HLF: variants seen among roughly 807,000 people sequenced by gnomAD.
The protein encoded by HLF is hepatic leukemia factor.
In HLF, 3 loss-of-function variants were observed where a neutral mutation model predicts 22.6. That is an observed-to-expected ratio of 0.13 (90% CI 0.06 to 0.34). HLF has a LOEUF of 0.34. Ranked by LOEUF, HLF falls within the 10% of genes least tolerant of loss-of-function variation. The pLI is 1.00. For synonymous variants in HLF, 151 were observed against 151.8 expected (o/e 0.99, Z 0.04); for missense variants, 299 against 389.2 (o/e 0.77, Z 1.95).
rs999457479 is a variant in HLF at position 55,271,108 on chromosome 17, C to A, written c.451+3022C>A. 1.1e-4 allele frequency among the ~76,000 whole-genome samples: 16 copies of A among 152,290 alleles called. No individual in the cohort carries two copies. In the East Asian group the frequency reaches 3.1e-3, roughly 29 times the overall value. On this transcript the variant is annotated intron_variant, in intron 2 of 3. Coordinates refer to ENST00000226067, the MANE Select transcript of HLF (RefSeq NM_002126.5). ...TAATACAGTCACTCCCGGTGGAGAA[C>A]CACTGGTCTAGAACTTCAATTTGGA...
At position 55,268,102 on chromosome 17, in the gene HLF, A is replaced by T. The variant is rs1280215508; in HGVS notation, c.451+16A>T. The T allele has an allele frequency of 4.0e-6, 6 of 1,498,106 alleles. No homozygotes were observed. Among genetic ancestry groups the T allele is most frequent in the Middle Eastern group, 1.8e-4 (1 of 5,578 alleles). The allele number at this position is 1,498,106 out of a possible 1,614,324, so 92.8% of individuals were successfully genotyped here. On this transcript the variant is annotated intron_variant, in intron 2 of 3. Coordinates refer to ENST00000226067, the MANE Select transcript of HLF (RefSeq NM_002126.5). Reference sequence around the variant, plus strand: ...ATCAGACCAGGTAAGTGCCCTGAAGATTCTCCCTTCAGAAAGGGAGGAGGA... The same window carrying T: ...ATCAGACCAGGTAAGTGCCCTGAAGTTTCTCCCTTCAGAAAGGGAGGAGGA...
chr17:55,265,230 G>A lies in HLF; in HGVS notation c.-255G>A. ...GGCAGGTGAGAGCATCCTGCACGTC[G>A]CCGGGGAGCCCGCGGGCACTTGGCG... On this transcript the variant is annotated 5_prime_UTR_variant, in exon 1 of 4. Transcript: ENST00000226067. 2.7e-6 allele frequency: 1 copy of A among 368,610 alleles called. No homozygotes were observed. Among genetic ancestry groups the A allele is most frequent in the Non-Finnish European group, 4.8e-6 (1 of 209,068 alleles). 22.8% of individuals were successfully genotyped at this position (368,610 alleles called of 1,614,324 possible). A position where few individuals can be genotyped will look rare whatever the true frequency, so the allele number is the denominator to read the frequency against.
At chr17:55,268,425 A>G (rs754289767) in intron 2 of HLF, among the ~76,000 whole-genome samples, 1 of 152,230 alleles carries the variant, frequency 6.6e-6, no homozygotes, top group Non-Finnish European at 1.5e-5. Flanking sequence ...AATAACTTAC[A>G]GTTAATGATT....
intron 2 of HLF, among the ~76,000 whole-genome samples, chr17:55,276,308 CAA>C (rs919745657): frequency 1.3e-5 from 2 of 152,108 alleles, no homozygotes; most frequent in African/African-American, 4.8e-5. Flanking sequence ...GACTTTTAGG[CAA>C]AGTGATGAGT....
At chr17:55,293,927 C>T (rs1365335061) in intron 2 of HLF, among the ~76,000 whole-genome samples, 2 of 152,090 alleles carry the variant, frequency 1.3e-5, no homozygotes, top group Admixed American at 6.6e-5. Flanking sequence ...TCTGGGGAGG[C>T]CCTAAGGTCT....
chr17:55,310,324 T>C (rs1374827850), intron 2 of HLF, among the ~76,000 whole-genome samples: 1 of 152,170 alleles, frequency 6.6e-6, no homozygotes, highest in African/African-American at 2.4e-5. Flanking sequence ...GCTTTGGAAA[T>C]ACCAAGCTCA....
chr17:55,283,974 C>G lies in HLF; in HGVS notation c.451+15888C>G, dbSNP rs529345606. 1.1e-4 allele frequency: 17 copies of G among 152,360 alleles called. No homozygotes were observed. The East Asian group carries it at 3.1e-3, about 28-fold the overall frequency. The allele number at this position is 152,360 out of a possible 1,614,324, so 9.4% of individuals were successfully genotyped here. On this transcript the variant is annotated intron_variant, in intron 2 of 3. Transcript: ENST00000226067. ...TGAAGGTGATTCTCAGTTATCCATG[C>G]TAAAGGAACAGATAATCTGAAGTTT...
chr17:55,275,451 G>T (rs986923430), intron 2 of HLF, among the ~76,000 whole-genome samples: 8 of 152,132 alleles, frequency 5.3e-5, no homozygotes, highest in African/African-American at 1.7e-4. Flanking sequence ...AGATCAGTCA[G>T]TTACTGCTAC....
intron 2 of HLF, among the ~76,000 whole-genome samples, chr17:55,295,996 T>G (rs1458586911): frequency 6.6e-6 from 1 of 152,224 alleles, no homozygotes; most frequent in Non-Finnish European, 1.5e-5. Flanking sequence ...ATGCCCTTGA[T>G]AGAAGCAGTA....
At chr17:55,296,957 G>A (rs1181070441) in intron 2 of HLF, among the ~76,000 whole-genome samples, 4 of 152,136 alleles carry the variant, frequency 2.6e-5, no homozygotes, top group African/African-American at 7.2e-5. Context: ...TGTAACCAGG[G>A]TTGAGAACTT....
chr17:55,290,683 A>G (rs1480009902), intron 2 of HLF, among the ~76,000 whole-genome samples: 2 of 152,322 alleles, frequency 1.3e-5, no homozygotes, highest in Admixed American at 1.3e-4. Context: ...ATGGCCTCTA[A>G]GCACTCAAGT....
At chr17:55,275,901 G>A (rs1255047353) in intron 2 of HLF, among the ~76,000 whole-genome samples, 1 of 152,180 alleles carries the variant, frequency 6.6e-6, no homozygotes, top group African/African-American at 2.4e-5. Flanking sequence ...CCAGGAGTTT[G>A]AGAGCAGCCT....
At chr17:55,291,803 A>G (rs1432211051) in intron 2 of HLF, among the ~76,000 whole-genome samples, 1 of 152,228 alleles carries the variant, frequency 6.6e-6, no homozygotes, top group African/African-American at 2.4e-5. Context: ...AGAAGCCGTT[A>G]AAAACATTCA....
intron 2 of HLF, among the ~76,000 whole-genome samples, chr17:55,302,952 T>C (rs1299311366): frequency 6.6e-6 from 1 of 152,182 alleles, no homozygotes. Flanking sequence ...AATGGGCCCA[T>C]TTGGCCCTAC....
chr17:55,280,358 A>G (rs1454825077), intron 2 of HLF, among the ~76,000 whole-genome samples: 2 of 152,174 alleles, frequency 1.3e-5, no homozygotes, highest in Non-Finnish European at 2.9e-5. Flanking sequence ...TTGTGGTCCT[A>G]TCACCCTAGC....
intron 2 of HLF, among the ~76,000 whole-genome samples, chr17:55,299,975 G>A (rs2081142682): frequency 6.6e-6 from 1 of 152,118 alleles, no homozygotes; most frequent in South Asian, 2.1e-4. Flanking sequence ...TAGGACTACG[G>A]ACACATGCCA....
At chr17:55,269,813 T>A (rs1254053523) in intron 2 of HLF, among the ~76,000 whole-genome samples, 2 of 152,202 alleles carry the variant, frequency 1.3e-5, no homozygotes, top group Non-Finnish European at 2.9e-5. Context: ...ATATAACCCT[T>A]CCTCTGGAGA....
At chr17:55,279,618 A>C (rs1291941314) in intron 2 of HLF, among the ~76,000 whole-genome samples, 1 of 152,098 alleles carries the variant, frequency 6.6e-6, no homozygotes. Context: ...ATTACCAAAC[A>C]GATTAATTAT....
intron 2 of HLF, among the ~76,000 whole-genome samples, chr17:55,279,762 T>C (rs2080937249): frequency 6.6e-6 from 1 of 152,214 alleles, no homozygotes; most frequent in African/African-American, 2.4e-5. Flanking sequence ...TTTTTCATTC[T>C]GACATTTCAG....
Sources: gnomAD v4.1 joint callset for allele counts (sites outside exome capture counted in the v4.1 genomes callset) on GRCh38, gnomAD v4.1.1 for gene constraint, MANE v1.5 for transcripts, NCBI Gene and HGNC (gene_info 2026-07-23, HGNC 2026-07-21) for gene names.